Variants in WWTR1 observed in about 807,000 individuals in gnomAD.
The protein encoded by WWTR1 is WW domain containing transcription regulator 1.
Under a neutral mutation model 40.1 loss-of-function variants are expected in WWTR1, and 13 were observed. That is an observed-to-expected ratio of 0.32 (90% CI 0.21 to 0.52). WWTR1 has a LOEUF of 0.52. Among genes scored for constraint, WWTR1 ranks in the 20% least tolerant of loss-of-function variants. The pLI, the probability that WWTR1 is intolerant of heterozygous loss-of-function variation, is 0.97. For synonymous variants in WWTR1, 230 were observed against 210.1 expected, an observed-to-expected ratio of 1.09 and a Z score of -0.82; for missense variants, 436 against 523.1, an observed-to-expected ratio of 0.83 and a Z score of 1.63.
chr3:149,625,153 GCT>G (rs1419362931), intron 2 of WWTR1, among the ~76,000 whole-genome samples: 2 of 116,178 alleles, frequency 1.7e-5, no homozygotes, highest in African/African-American at 6.9e-5. Context: ...ACGGAGTCTC[GCT>G]CTGTTGCCCA....
At chr3:149,708,324 AC>A (rs932455621) in intron 5 of WWTR1, among the ~76,000 whole-genome samples, 1 of 152,158 alleles carries the variant, frequency 6.6e-6, no homozygotes, top group African/African-American at 2.4e-5. Context: ...GGTAAAATAT[AC>A]CTAATATAAC....
intron 5 of WWTR1, among the ~76,000 whole-genome samples, chr3:149,709,506 C>T (rs1223317055): frequency 3.3e-5 from 5 of 152,086 alleles, no homozygotes; most frequent in African/African-American, 1.2e-4. Context: ...AACAGAGAAC[C>T]ATCCATGCTA....
At chr3:149,645,157 A>G (rs7629848) in intron 2 of WWTR1, among the ~76,000 whole-genome samples, 63,757 of 150,868 alleles carry the variant, frequency 0.42, 13,581 homozygotes, top group Middle Eastern at 0.55. Context: ...TCAGCTCACT[A>G]CAAGCTCTGC....
chr3:149,593,220 A>C (rs759835498), intron 2 of WWTR1, among the ~76,000 whole-genome samples: 1 of 152,244 alleles, frequency 6.6e-6, no homozygotes. Context: ...CGTAGAATCG[A>C]GAAGACCATG....
At chr3:149,524,226 G>A (rs1022060536) in intron 6 of WWTR1, among the ~76,000 whole-genome samples, 4 of 151,798 alleles carry the variant, frequency 2.6e-5, no homozygotes, top group Admixed American at 1.3e-4. Flanking sequence ...TTTTCAGGAC[G>A]TCATTTAATT....
chr3:149,577,168 C>T (rs189336128), intron 2 of WWTR1, among the ~76,000 whole-genome samples: 1 of 152,156 alleles, frequency 6.6e-6, no homozygotes, highest in Admixed American at 6.5e-5. Context: ...AAAGAACAAA[C>T]AAACAAACAA....
intron 1 of WWTR1, among the ~76,000 whole-genome samples, chr3:149,677,251 A>G (rs1186269092): frequency 1.3e-5 from 2 of 152,150 alleles, no homozygotes; most frequent in Non-Finnish European, 2.9e-5. Flanking sequence ...GTCCCTAGGC[A>G]ACTTGATACT....
At chr3:149,586,257 C>T (rs1738419255) in intron 2 of WWTR1, among the ~76,000 whole-genome samples, 1 of 148,718 alleles carries the variant, frequency 6.7e-6, no homozygotes, top group Non-Finnish European at 1.5e-5. Context: ...TACTGATTCA[C>T]CAACTTTTTT....
chr3:149,711,161 TAAAAA>T (rs1237527926), intron 5 of WWTR1, among the ~76,000 whole-genome samples: 1 of 114,976 alleles, frequency 8.7e-6, no homozygotes, highest in African/African-American at 3.1e-5. Flanking sequence ...ACACACTTGC[TAAAAA>T]AAAAAAAAAA....
intron 6 of WWTR1, among the ~76,000 whole-genome samples, chr3:149,521,788 T>C (rs1735055995): frequency 6.6e-6 from 1 of 152,192 alleles, no homozygotes; most frequent in Non-Finnish European, 1.5e-5. Context: ...CAGAATGCAC[T>C]ACTGACTTTG....
intron 6 of WWTR1, among the ~76,000 whole-genome samples, chr3:149,523,063 A>C (rs59089488): frequency 0.42 from 42,024 of 100,588 alleles, 6,660 homozygotes; most frequent in African/African-American, 0.5. Flanking sequence ...GAGACCCCGT[A>C]TTAAAAAAAA....
At chr3:149,711,091 C>A (rs1425458704) in intron 5 of WWTR1, among the ~76,000 whole-genome samples, 1 of 147,856 alleles carries the variant, frequency 6.8e-6, no homozygotes, top group African/African-American at 2.5e-5. Context: ...TATTCATTTA[C>A]GGGCACAGTT....
intron 2 of WWTR1, among the ~76,000 whole-genome samples, chr3:149,635,157 G>A (rs543722527): frequency 3.9e-5 from 6 of 152,306 alleles, no homozygotes; most frequent in Admixed American, 2.6e-4. Flanking sequence ...GAGTGCTGGG[G>A]ATACAGTGCT....
At chr3:149,682,351 A>G (rs1406139106) in intron 1 of WWTR1, among the ~76,000 whole-genome samples, 1 of 152,222 alleles carries the variant, frequency 6.6e-6, no homozygotes, top group Non-Finnish European at 1.5e-5. Flanking sequence ...AGATAATAAT[A>G]GTAAGTGAAT....
At chr3:149,603,852 A>C (rs16862020) in intron 2 of WWTR1, among the ~76,000 whole-genome samples, 2,675 of 111,892 alleles carry the variant, frequency 0.024, 187 homozygotes, top group East Asian at 0.23. Flanking sequence ...TAAGCGGCAT[A>C]CCAAAAAAAA....
At chr3:149,538,581 T>C (rs1735936745) in intron 4 of WWTR1, among the ~76,000 whole-genome samples, 1 of 152,208 alleles carries the variant, frequency 6.6e-6, no homozygotes, top group African/African-American at 2.4e-5. Flanking sequence ...AGGGACTGCA[T>C]TTAAGGAAAT....
intron 1 of WWTR1, among the ~76,000 whole-genome samples, chr3:149,692,127 C>T (rs1347986082): frequency 6.6e-6 from 1 of 151,190 alleles, no homozygotes; most frequent in Non-Finnish European, 1.5e-5. Flanking sequence ...TCAGTATTAC[C>T]CTGATACCAA....
chr3:149,534,354 G>A (rs1389124287), intron 4 of WWTR1, among the ~76,000 whole-genome samples: 1 of 152,106 alleles, frequency 6.6e-6, no homozygotes, highest in Non-Finnish European at 1.5e-5. Flanking sequence ...ACCTCAAATT[G>A]TCAACCCTTT....
intron 1 of WWTR1, among the ~76,000 whole-genome samples, chr3:149,670,195 G>T (rs1343538136): frequency 6.6e-6 from 1 of 152,228 alleles, no homozygotes; most frequent in Non-Finnish European, 1.5e-5. Flanking sequence ...TCAGCTCACT[G>T]CTGTCCTCAC....
Sources: gnomAD v4.1 joint callset for allele counts (sites outside exome capture counted in the v4.1 genomes callset) on GRCh38, gnomAD v4.1.1 for gene constraint, MANE v1.5 for transcripts, NCBI Gene and HGNC (gene_info 2026-07-23, HGNC 2026-07-21) for gene names.